Variants in ADD1 observed in about 807,000 individuals in gnomAD.
The protein encoded by ADD1 is adducin 1, also known as alpha-adducin.
A neutral mutation model predicts 80.5 loss-of-function variants in ADD1; 24 were observed. That is an observed-to-expected ratio of 0.30 (90% CI 0.22 to 0.42). The LOEUF (loss-of-function observed/expected upper bound fraction) is 0.42. Among genes scored for constraint, ADD1 ranks in the 10% least tolerant of loss-of-function variants. The probability of loss-of-function intolerance (pLI) is 1.00; values close to 1 mark genes in which losing one functional copy is unlikely to be tolerated. For synonymous variants in ADD1, 373 were observed against 393.8 expected (o/e 0.95, Z 0.63); for missense variants, 948 against 1,019.0 (o/e 0.93, Z 0.95).
At chr4:2,927,899 G>A (rs371456906) in intron 15 of ADD1, among the ~76,000 whole-genome samples, 13 of 152,204 alleles carry the variant, frequency 8.5e-5, no homozygotes, top group South Asian at 8.3e-4. Flanking sequence ...TCTTTCCGGC[G>A]GGGGGACCCA....
intron 1 of ADD1, among the ~76,000 whole-genome samples, chr4:2,856,376 T>C (rs961634703): frequency 1.3e-5 from 2 of 152,192 alleles, no homozygotes; most frequent in African/African-American, 4.8e-5. Flanking sequence ...TGGCTTCTGT[T>C]AGAATTTTCT....
In ADD1 at chr4:2,894,634, G is replaced by T; in HGVS notation, c.644G>T (p.Gly215Val). ...GTAGATCGTGGAAGCACTAATCTGGGAGTGAATCAGGCCGGCTTCACCTTA... is the reference window on the plus strand; with the variant it reads ...GTAGATCGTGGAAGCACTAATCTGGTAGTGAATCAGGCCGGCTTCACCTTA... The part of the protein sequence containing the change: ...DIVDRGSTNL[G>V]VNQAGFTLHS... Residue 215 changes from glycine (G) to valine (V), a missense_variant, in exon 6 of 16, where the codon GGA (glycine) becomes GTA (valine). Physicochemically the swap from Gly to Val is moderately radical, Grantham distance 109. Transcript: ENST00000683351. 6.2e-7 allele frequency: 1 copy of T among 1,610,290 alleles called. No individual in the cohort carries two copies. The highest frequency in any genetic ancestry group is 8.5e-7 in the Non-Finnish European group (1 of 1,178,838).
intron 11 of ADD1, 29 bp downstream of exon 11, chr4:2,907,873 G>A: frequency 6.3e-7 from 1 of 1,585,720 alleles, no homozygotes; most frequent in Non-Finnish European, 8.7e-7. Flanking sequence ...CTCAGCGGGG[G>A]CTTGGGTGTG....
intron 1 of ADD1, among the ~76,000 whole-genome samples, chr4:2,850,299 A>C (rs1393716183): frequency 6.6e-6 from 1 of 152,042 alleles, no homozygotes; most frequent in Non-Finnish European, 1.5e-5. Flanking sequence ...ACTGAATCTC[A>C]CTCTCTTGCC....
At chr4:2,872,200 A>G (rs540101632) in intron 1 of ADD1, among the ~76,000 whole-genome samples, 1 of 152,318 alleles carries the variant, frequency 6.6e-6, no homozygotes, top group Admixed American at 6.5e-5. Context: ...CGGTTCATCC[A>G]GATTTTTGTT....
At chr4:2,916,777 C>T (rs142794819) in intron 14 of ADD1, among the ~76,000 whole-genome samples, 16 of 152,314 alleles carry the variant, frequency 1.1e-4, no homozygotes, top group Middle Eastern at 3.4e-3. Context: ...TGAGTGAGAA[C>T]ATGCAGTGTT....
chr4:2,844,438 G>A (rs1402948918), intron 1 of ADD1: 1 of 152,218 alleles, frequency 6.6e-6, no homozygotes, highest in Non-Finnish European at 1.5e-5. Flanking sequence ...CGCATCTGTC[G>A]GCTCTCGTAT....
chr4:2,914,832 G>T, intron 13 of ADD1, 52 bp from the exon 14 acceptor site: 1 of 1,535,312 alleles, frequency 6.5e-7, no homozygotes, highest in Non-Finnish European at 8.8e-7. Context: ...GGAGGAGGGA[G>T]AGTCCCCATC....
chr4:2,900,831 T>G (rs1397826969), intron 9 of ADD1: 3 of 152,192 alleles, frequency 2.0e-5, no homozygotes, highest in Non-Finnish European at 1.5e-5. Context: ...ACTTTTTGAG[T>G]TCATATAATC....
chr4:2,909,229 GTTGACAGCTGTCCCTGCTGCATGCTCTT>G, intron 12 of ADD1, 82 bp from the exon 13 acceptor site: 4 of 901,542 alleles, frequency 4.4e-6, no homozygotes, highest in Non-Finnish European at 7.1e-6. Flanking sequence ...CACACTTACT[GTTGACAGCTGTCCCTGCTGCATGCTCTT>G]AGCCAGCTCC....
At chr4:2,844,806 G>A (rs1725927343) in intron 1 of ADD1, 1 of 152,218 alleles carries the variant, frequency 6.6e-6, no homozygotes, top group Admixed American at 6.5e-5. Context: ...AAAGACCAAA[G>A]ACATAGCTGA....
At chr4:2,856,534 T>C (rs1728085794) in intron 1 of ADD1, among the ~76,000 whole-genome samples, 1 of 152,008 alleles carries the variant, frequency 6.6e-6, no homozygotes. Flanking sequence ...GAATATTTAC[T>C]GTTCCCTATT....
intron 2 of ADD1, 82 bp from the exon 3 acceptor site, chr4:2,881,816 G>A: frequency 7.9e-7 from 1 of 1,270,398 alleles, no homozygotes; most frequent in Admixed American, 3.1e-5. Context: ...ACAAAAATTG[G>A]TCTATGTGAT....
intron 1 of ADD1, among the ~76,000 whole-genome samples, chr4:2,856,456 T>C (rs912417417): frequency 4.6e-5 from 7 of 152,180 alleles, no homozygotes; most frequent in African/African-American, 1.7e-4. Flanking sequence ...TTTATCTTTA[T>C]TTATTTTGCT....
intron 1 of ADD1, among the ~76,000 whole-genome samples, chr4:2,845,090 T>C (rs1269576750): frequency 6.6e-6 from 1 of 152,022 alleles, no homozygotes; most frequent in Non-Finnish European, 1.5e-5. Context: ...CCTTTTTTTT[T>C]TGAGACGGAG....
At chr4:2,918,939 C>T (rs1346233257) in intron 14 of ADD1, among the ~76,000 whole-genome samples, 1 of 152,002 alleles carries the variant, frequency 6.6e-6, no homozygotes, top group Non-Finnish European at 1.5e-5. Flanking sequence ...GCAACCTCCA[C>T]CTCCTGTGTT....
chr4:2,909,533 A>G, intron 13 of ADD1, 102 bp downstream of exon 13: 1 of 802,456 alleles, frequency 1.2e-6, no homozygotes, highest in Non-Finnish European at 2.0e-6. Context: ...TTACTGAAGT[A>G]GCTTCAAATG....
intron 1 of ADD1, among the ~76,000 whole-genome samples, chr4:2,862,061 A>G (rs540529683): frequency 5.9e-5 from 9 of 152,200 alleles, no homozygotes; most frequent in Non-Finnish European, 1.2e-4. Flanking sequence ...ATAGCTAGGG[A>G]AGACAAGCAG....
intron 6 of ADD1, 133 bp from the exon 7 acceptor site, chr4:2,898,051 T>C: frequency 8.3e-7 from 1 of 1,208,878 alleles, no homozygotes; most frequent in Non-Finnish European, 1.2e-6. Flanking sequence ...CTTAAGTTCA[T>C]AGATTGATTT....
Sources: allele counts gnomAD v4.1 joint callset (sites outside exome capture counted in the v4.1 genomes callset), GRCh38; gene constraint gnomAD v4.1.1; transcripts MANE v1.5; gene names NCBI Gene and HGNC (gene_info 2026-07-23, HGNC 2026-07-21).